Variants in LYPLA1 observed in about 807,000 individuals in gnomAD.
LYPLA1 encodes lysophospholipase 1.
LYPLA1 carries 17 observed loss-of-function variants against 34.0 expected under a neutral mutation model. That is an observed-to-expected ratio of 0.50 (90% confidence interval 0.34 to 0.75). The LOEUF is 0.75. LYPLA1 is among the 30% of genes least tolerant of loss of function. The pLI is 0.01. For synonymous variants in LYPLA1, 98 were observed against 100.8 expected, an observed-to-expected ratio of 0.97 and a Z score of 0.17; for missense variants, 203 against 288.8, an observed-to-expected ratio of 0.70 and a Z score of 2.15.
intron 7 of LYPLA1, among the ~76,000 whole-genome samples, chr8:54,051,852 T>A (rs1805864941): frequency 6.6e-6 from 1 of 151,572 alleles, no homozygotes; most frequent in Admixed American, 6.6e-5. Flanking sequence ...GCTATCTTTT[T>A]TTTTTTTTTT....
At chr8:54,057,013 T>C (rs890338860) in intron 5 of LYPLA1, among the ~76,000 whole-genome samples, 1 of 152,104 alleles carries the variant, frequency 6.6e-6, no homozygotes, top group African/African-American at 2.4e-5. Context: ...GTGCCCAACA[T>C]CACTGATCGC....
chr8:54,066,188 C>T (rs753536672), intron 2 of LYPLA1, among the ~76,000 whole-genome samples: 9 of 152,160 alleles, frequency 5.9e-5, no homozygotes, highest in South Asian at 2.1e-4. Context: ...CCGCTCGCCT[C>T]GGCCTCCCAA....
chr8:54,056,347 G>T (rs1806204032), intron 5 of LYPLA1, among the ~76,000 whole-genome samples: 1 of 152,070 alleles, frequency 6.6e-6, no homozygotes, highest in African/African-American at 2.4e-5. Flanking sequence ...ACTACTACGA[G>T]AAAAAATTGG....
intron 2 of LYPLA1, among the ~76,000 whole-genome samples, chr8:54,088,659 C>T (rs1323544831): frequency 6.6e-6 from 1 of 152,186 alleles, no homozygotes; most frequent in Admixed American, 6.5e-5. Context: ...AAGTCTTGTA[C>T]ACAAACGTGC....
intron 2 of LYPLA1, among the ~76,000 whole-genome samples, chr8:54,082,633 C>A (rs180726821): frequency 1.5e-3 from 225 of 152,238 alleles, no homozygotes; most frequent in African/African-American, 4.1e-3. Context: ...TACACTTTTT[C>A]CACTTAAATT....
intron 2 of LYPLA1, among the ~76,000 whole-genome samples, chr8:54,097,789 C>T (rs1301349654): frequency 6.6e-6 from 1 of 152,164 alleles, no homozygotes; most frequent in African/African-American, 2.4e-5. Flanking sequence ...TTTTCCTATA[C>T]ATAATGCTTG....
chr8:54,060,268 G>A (rs11988859), intron 5 of LYPLA1, among the ~76,000 whole-genome samples: 19,729 of 151,914 alleles, frequency 0.13, 3,393 homozygotes, highest in African/African-American at 0.4. Flanking sequence ...TGGGATTACG[G>A]GCAGGCGCTA....
chr8:54,087,938 G>A (rs1808928539), intron 2 of LYPLA1, among the ~76,000 whole-genome samples: 1 of 152,200 alleles, frequency 6.6e-6, no homozygotes. Flanking sequence ...CTACTGCTGT[G>A]TCTGGTTTCC....
At chr8:54,051,276 T>C (rs1342791473) in intron 7 of LYPLA1, 88 bp from the exon 8 acceptor site, 20 of 1,092,906 alleles carry the variant, frequency 1.8e-5, no homozygotes, top group Middle Eastern at 3.2e-4. Context: ...TAAATATGCA[T>C]ATATATAACA....
chr8:54,064,243 T>C (rs1806879220), intron 3 of LYPLA1, among the ~76,000 whole-genome samples: 2 of 138,658 alleles, frequency 1.4e-5, no homozygotes. Context: ...GGTGAAACCA[T>C]GTCTCTATTA....
intron 3 of LYPLA1, 118 bp from the exon 4 acceptor site, chr8:54,063,493 TAACATATGA>T: frequency 1.4e-6 from 1 of 695,196 alleles, no homozygotes; most frequent in Non-Finnish European, 2.5e-6. Context: ...GCTACAGTTT[TAACATATGA>T]ACTGTTTTAT....
intron 2 of LYPLA1, among the ~76,000 whole-genome samples, chr8:54,085,881 C>T (rs1340018582): frequency 6.7e-6 from 1 of 150,338 alleles, no homozygotes; most frequent in African/African-American, 2.5e-5. Context: ...CCAGCCGCCC[C>T]GTCTGGGAAG....
intron 2 of LYPLA1, among the ~76,000 whole-genome samples, chr8:54,090,725 CAA>C (rs1381767472): frequency 6.6e-6 from 1 of 152,158 alleles, no homozygotes; most frequent in East Asian, 1.9e-4. Context: ...CGCCTGGGAA[CAA>C]AGAGAGAGCC....
intron 2 of LYPLA1, among the ~76,000 whole-genome samples, chr8:54,098,222 C>CA (rs553877469): frequency 1.2e-3 from 176 of 143,156 alleles, no homozygotes; most frequent in Non-Finnish European, 1.8e-3. Flanking sequence ...GACTCTGTCT[C>CA]AAAAAAAAAA....
chr8:54,047,354 G>C lies in LYPLA1; in HGVS notation c.*711C>G, dbSNP rs1308046601. 6.6e-6 allele frequency: 1 copy of C among 151,674 alleles called. No individual in the cohort carries two copies. The highest frequency in any genetic ancestry group is 2.4e-5 in the African/African-American group (1 of 41,344). 9.4% of individuals were successfully genotyped at this position (151,674 alleles called of 1,614,324 possible). ...ATTGACAGTAGCTGTCTATTGCAGA[G>C]AGGCAATACTTGGCCTGCTATGAAG... On this transcript the variant is annotated 3_prime_UTR_variant, in exon 9 of 9. Coordinates refer to ENST00000316963, the MANE Select transcript of LYPLA1 (RefSeq NM_006330.4).
At chr8:54,069,430 T>G (rs1296082661) in intron 2 of LYPLA1, among the ~76,000 whole-genome samples, 1 of 152,112 alleles carries the variant, frequency 6.6e-6, no homozygotes, top group African/African-American at 2.4e-5. Flanking sequence ...AAAAAAAACT[T>G]TGGCCAGGCA....
chr8:54,087,350 G>GGGCAGGGCAT (rs1273967478), intron 2 of LYPLA1, among the ~76,000 whole-genome samples: 6 of 152,186 alleles, frequency 3.9e-5, no homozygotes, highest in East Asian at 1.9e-4. Flanking sequence ...CTTGAAAACT[G>GGGCAGGGCAT]GGCAGGGCAT....
intron 5 of LYPLA1, among the ~76,000 whole-genome samples, chr8:54,058,349 G>A (rs1428006338): frequency 6.6e-6 from 1 of 152,126 alleles, no homozygotes; most frequent in Non-Finnish European, 1.5e-5. Flanking sequence ...TTTGAGACCA[G>A]CCTGGCCAAC....
intron 2 of LYPLA1, among the ~76,000 whole-genome samples, chr8:54,066,674 A>G (rs972904303): frequency 1.3e-5 from 2 of 151,988 alleles, no homozygotes; most frequent in South Asian, 4.2e-4. Context: ...CCAGCTACTC[A>G]GGAGGCTGAG....
Sources: allele counts gnomAD v4.1 joint callset (sites outside exome capture counted in the v4.1 genomes callset), GRCh38; gene constraint gnomAD v4.1.1; transcripts MANE v1.5; gene names NCBI Gene and HGNC (gene_info 2026-07-23, HGNC 2026-07-21).